The following PARP15 variants were observed in gnomAD, a reference collection of about 807,000 sequenced individuals.
PARP15 encodes poly(ADP-ribose) polymerase family member 15.
PARP15 carries 50 observed loss-of-function variants against 62.1 expected under a neutral mutation model. That is an observed-to-expected ratio of 0.81 (90% CI 0.64 to 1.02). The LOEUF (loss-of-function observed/expected upper bound fraction) is 1.02, where lower values mean the gene tolerates loss of function less well. Among genes scored for constraint, PARP15 ranks in the 50% least tolerant of loss-of-function variants. The probability of loss-of-function intolerance (pLI) is 0.00; values close to 1 mark genes in which losing one functional copy is unlikely to be tolerated. For missense variants in PARP15, 820 were observed against 826.5 expected (o/e 0.99, Z 0.10); for synonymous variants, 309 against 293.1 (o/e 1.05, Z -0.55).
At chr3:122,622,695 TCA>T (rs1488018882) in intron 8 of PARP15, among the ~76,000 whole-genome samples, 2 of 152,202 alleles carry the variant, frequency 1.3e-5, no homozygotes, top group Admixed American at 6.5e-5. Flanking sequence ...TTTGTCCTGC[TCA>T]CAGTTTCTAG....
In PARP15 at chr3:122,621,535, GA is replaced by G; in HGVS notation, c.1159del (p.Thr387ArgfsTer6). On this transcript the variant is annotated frameshift_variant, in exon 8 of 12. Transcript: ENST00000464300. LOFTEE classifies it high-confidence loss of function. ...IHVPGGKDVR[K>X]TVTSVLEECE... is the part of the protein sequence containing the mutation. Reference sequence around the variant, plus strand: ...ATGTTCCTGGGGGAAAAGATGTCAGGAAAACGGTCACCAGTGTTCTAGAAGA... The same window carrying G: ...ATGTTCCTGGGGGAAAAGATGTCAGGAAACGGTCACCAGTGTTCTAGAAGA... 3 of 1,614,064 alleles carry G rather than the reference GA, an allele frequency of 1.9e-6. No homozygotes were observed. Among genetic ancestry groups the G allele is most frequent in the Non-Finnish European group, 2.5e-6 (3 of 1,179,986 alleles).
intron 2 of PARP15, among the ~76,000 whole-genome samples, chr3:122,609,187 T>G (rs1935388038): frequency 6.6e-6 from 1 of 152,188 alleles, no homozygotes; most frequent in Non-Finnish European, 1.5e-5. Context: ...GTTTTGTTTC[T>G]TGGATGGCTT....
At position 122,635,138 on chromosome 3, in the gene PARP15, A is replaced by G; in HGVS notation, c.1691A>G (p.Asp564Gly). The G allele has an allele frequency of 6.2e-7, 1 of 1,613,986 alleles. No individual in the cohort carries two copies. The highest frequency in any genetic ancestry group is 8.5e-7 in the Non-Finnish European group (1 of 1,179,916). The change falls in exon 11 of 12, where the codon GAC becomes GGC. Residue 564 changes from aspartate (D) to glycine (G), a missense_variant. This residue lies in a region of PARP15 where 731 missense variants were observed against 727.7 expected (regional missense o/e 1.00). Coordinates refer to ENST00000464300, the MANE Select transcript of PARP15 (RefSeq NM_001113523.3). The stretch of plus-strand genomic sequence containing the variant: ...CTCCTCTTCCATGGGACAGATGCAG[A>G]CTCAGTGCCATATGTCAATCAGCAC... ...ERLLFHGTDA[D>G]SVPYVNQHGF...
chr3:122,615,858 G>T lies in PARP15; in HGVS notation c.850+1G>T, dbSNP rs748578908. Reference sequence around the variant, plus strand: ...ATTCCCATGGCAGGAGATACCCAAGGTCTGGTAAAGTCGTTCTGCTAAGGA... The same window carrying T: ...ATTCCCATGGCAGGAGATACCCAAGTTCTGGTAAAGTCGTTCTGCTAAGGA... On this transcript the variant is annotated splice_donor_variant, in intron 5 of 11. Coordinates refer to ENST00000464300, the MANE Select transcript of PARP15 (RefSeq NM_001113523.3). LOFTEE classifies it high-confidence loss of function. 3 of 1,609,236 alleles carry T rather than the reference G, an allele frequency of 1.9e-6. No homozygotes were observed. Among genetic ancestry groups the T allele is most frequent in the African/African-American group, 1.3e-5 (1 of 74,856 alleles).
intron 2 of PARP15, among the ~76,000 whole-genome samples, chr3:122,608,285 G>A (rs1239261230): frequency 7.2e-6 from 1 of 138,280 alleles, no homozygotes; most frequent in Non-Finnish European, 1.5e-5. Context: ...GTGTGATCTC[G>A]GCTCACTACA....
intron 1 of PARP15, among the ~76,000 whole-genome samples, chr3:122,587,611 C>T (rs1057006031): frequency 5.9e-5 from 9 of 152,228 alleles, no homozygotes; most frequent in Middle Eastern, 3.4e-3. Context: ...TTACTGCAGC[C>T]GCAACCTCCT....
intron 1 of PARP15, chr3:122,594,775 T>C (rs1241085981): frequency 1.0e-6 from 1 of 980,968 alleles, no homozygotes; most frequent in Admixed American, 6.1e-5. Context: ...ATGTTTGTGA[T>C]GGACACCATG....
At chr3:122,597,282 C>T (rs1934428984) in intron 1 of PARP15, among the ~76,000 whole-genome samples, 1 of 152,116 alleles carries the variant, frequency 6.6e-6, no homozygotes. Flanking sequence ...TTAATAATAC[C>T]ACAATGGAAA....
At chr3:122,621,936 C>A (rs555330402) in intron 8 of PARP15, among the ~76,000 whole-genome samples, 3 of 152,252 alleles carry the variant, frequency 2.0e-5, no homozygotes, top group Non-Finnish European at 4.4e-5. Context: ...ATAGCTAGGA[C>A]CACAGGTGTG....
At chr3:122,579,999 G>GTGTGTATA (rs1553725409) in intron 1 of PARP15, among the ~76,000 whole-genome samples, 2 of 64,476 alleles carry the variant, frequency 3.1e-5, no homozygotes, top group African/African-American at 9.9e-5. Context: ...GCAACTATAT[G>GTGTGTATA]TATATATATA....
intron 4 of PARP15, 138 bp downstream of exon 4, chr3:122,613,406 G>T: frequency 1.4e-6 from 1 of 730,848 alleles, no homozygotes; most frequent in Non-Finnish European, 2.3e-6. Flanking sequence ...GTTGTCATAT[G>T]ACTTAACTAT....
chr3:122,581,466 C>G (rs1559917605), intron 1 of PARP15, among the ~76,000 whole-genome samples: 1 of 152,092 alleles, frequency 6.6e-6, no homozygotes, highest in Non-Finnish European at 1.5e-5. Context: ...GATATTCCAC[C>G]ATGCTTTTGA....
chr3:122,594,778 A>G, intron 1 of PARP15: 1 of 981,450 alleles, frequency 1.0e-6, no homozygotes, highest in Non-Finnish European at 1.2e-6. Context: ...TTTGTGATGG[A>G]CACCATGGAA....
intron 1 of PARP15, among the ~76,000 whole-genome samples, chr3:122,585,721 G>A (rs1249256132): frequency 2.6e-5 from 4 of 152,246 alleles, no homozygotes; most frequent in Non-Finnish European, 2.9e-5. Context: ...TCACCCTTTC[G>A]TCAATCATCT....
chr3:122,617,652 A>G (rs1349984084), intron 6 of PARP15, among the ~76,000 whole-genome samples: 2 of 151,976 alleles, frequency 1.3e-5, no homozygotes, highest in Non-Finnish European at 2.9e-5. Flanking sequence ...GACATGTTTG[A>G]CTCCCATTAT....
chr3:122,590,275 A>G (rs34992033), intron 1 of PARP15, among the ~76,000 whole-genome samples: 15,244 of 151,688 alleles, frequency 0.1, 815 homozygotes, highest in Admixed American at 0.14. Flanking sequence ...AGAGTTCCAA[A>G]TAATATATAT....
chr3:122,618,511 G>A (rs182516379), intron 6 of PARP15, among the ~76,000 whole-genome samples: 20 of 152,314 alleles, frequency 1.3e-4, no homozygotes, highest in Non-Finnish European at 2.1e-4. Context: ...ATTAGAGGCT[G>A]CTGGTATCTG....
intron 4 of PARP15, 151 bp from the exon 5 acceptor site, chr3:122,615,628 C>T (rs1278828976): frequency 4.0e-6 from 6 of 1,491,950 alleles, no homozygotes; most frequent in Non-Finnish European, 5.4e-6. Context: ...CTAGGTTGAA[C>T]CGCAATCCTT....
intron 4 of PARP15, chr3:122,615,030 C>CAAAAAAAAAAAAAAAAAAAAAAAAAAAA (rs11356111): frequency 1.4e-6 from 1 of 736,720 alleles, no homozygotes; most frequent in Non-Finnish European, 1.6e-6. Flanking sequence ...ACTCTGTCTG[C>CAAAAAAAAAAAAAAAAAAAAAAAAAAAA]AAAAAAAAAA....
Sources: allele counts gnomAD v4.1 joint callset (sites outside exome capture counted in the v4.1 genomes callset), GRCh38; gene constraint gnomAD v4.1.1; regional missense constraint gnomAD v4.1.1; transcripts MANE v1.5; gene names NCBI Gene and HGNC (gene_info 2026-07-23, HGNC 2026-07-21).